FBXO33: variants seen among roughly 807,000 people sequenced by gnomAD.
The protein encoded by FBXO33 is F-box only protein 33.
In FBXO33, 22 loss-of-function variants were observed where a neutral mutation model predicts 46.3. The ratio of observed to expected loss-of-function variants is 0.48; its 90% confidence interval spans 0.34 to 0.68. The LOEUF (loss-of-function observed/expected upper bound fraction) is 0.68. FBXO33 is among the 30% of genes least tolerant of loss of function. The pLI, the probability that FBXO33 is intolerant of heterozygous loss-of-function variation, is 0.01. For missense variants in FBXO33, 692 were observed against 708.8 expected, an observed-to-expected ratio of 0.98 and a Z score of 0.27; for synonymous variants, 337 against 291.3, an observed-to-expected ratio of 1.16 and a Z score of -1.60.
chr14:39,401,255 A>G lies in FBXO33; in HGVS notation c.1317T>C (p.Asp439=), dbSNP rs143164089. ...NDVIDTSGFP[D]LSDNRNEDPL... is the part of the protein sequence containing the mutation. ...GATCTTCATTTCGGTTGTCACTAAG[A>G]TCTGGAAAACCAGATGTGTCAATCA... Residue 439 remains aspartate, a synonymous_variant, in exon 3 of 4, where the codon GAT becomes GAC. Coordinates refer to ENST00000298097, the MANE Select transcript of FBXO33 (RefSeq NM_203301.4). 3.8e-5 allele frequency: 62 copies of G among 1,613,976 alleles called. No homozygotes were observed. In the African/African-American group the frequency reaches 7.5e-4, roughly 19 times the overall value.
At chr14:39,428,072 T>C (rs1401906011) in intron 1 of FBXO33, among the ~76,000 whole-genome samples, 1 of 152,184 alleles carries the variant, frequency 6.6e-6, no homozygotes, top group Non-Finnish European at 1.5e-5. Context: ...CCTTTTTAAC[T>C]TACAGGATAT....
intron 1 of FBXO33, among the ~76,000 whole-genome samples, chr14:39,416,262 T>TTC (rs1403102454): frequency 2.6e-5 from 4 of 152,048 alleles, no homozygotes; most frequent in Non-Finnish European, 5.9e-5. Context: ...GACAGTTTTT[T>TTC]TTTTCTTTTC....
chr14:39,420,970 G>A (rs1207743255), intron 1 of FBXO33, among the ~76,000 whole-genome samples: 1 of 152,130 alleles, frequency 6.6e-6, no homozygotes, highest in Non-Finnish European at 1.5e-5. Context: ...TAGGAAAGCT[G>A]GTTTAGGATT....
chr14:39,411,549 G>A (rs1231477453), intron 1 of FBXO33, among the ~76,000 whole-genome samples: 1 of 148,572 alleles, frequency 6.7e-6, no homozygotes, highest in Non-Finnish European at 1.5e-5. Flanking sequence ...TGAGACAAGA[G>A]TCTCGCACTG....
chr14:39,416,355 G>A (rs575767227), intron 1 of FBXO33, among the ~76,000 whole-genome samples: 2 of 151,742 alleles, frequency 1.3e-5, no homozygotes, highest in Admixed American at 1.3e-4. Flanking sequence ...ACCATTTTGG[G>A]TTCATCCTGT....
At position 39,422,632 on chromosome 14, in the gene FBXO33, C is replaced by A. The variant is rs569081920; in HGVS notation, c.599+8932G>T. Among the ~76,000 whole-genome samples, 4 of 152,196 alleles carry A rather than the reference C, an allele frequency of 2.6e-5. No homozygotes were observed. In the South Asian group the frequency reaches 8.3e-4, roughly 32 times the overall value. ...TCCATGCTGTGTCTTTTTCTTTTTT[C>A]ACCCTTCATAAGAATTTATTACTAG... On this transcript the variant is annotated intron_variant, in intron 1 of 3. Transcript: ENST00000298097.
intron 1 of FBXO33, among the ~76,000 whole-genome samples, chr14:39,403,870 C>T (rs545006154): frequency 1.1e-4 from 17 of 150,726 alleles, no homozygotes; most frequent in African/African-American, 3.7e-4. Context: ...GGTATGATCA[C>T]GGCTCACTGC....
chr14:39,415,440 CTG>C lies in FBXO33; in HGVS notation c.600-12931_600-12930del, dbSNP rs557756630. ...TTAATTTGTAAAAAAAACATAATAT[CTG>C]TGAAGTGCAATAAAATGAATCATAA... On this transcript the variant is annotated intron_variant, in intron 1 of 3. Transcript: ENST00000298097. 1.1e-3 allele frequency among the ~76,000 whole-genome samples: 172 copies of C among 152,252 alleles called. 1 individual carries two copies. The highest frequency in any genetic ancestry group is 4.0e-3 in the African/African-American group (165 of 41,550).
intron 1 of FBXO33, among the ~76,000 whole-genome samples, chr14:39,405,317 G>T (rs974128895): frequency 6.6e-6 from 1 of 152,116 alleles, no homozygotes; most frequent in Non-Finnish European, 1.5e-5. Context: ...AGAGAAAATG[G>T]ACAGCCTCAA....
At chr14:39,413,521 C>T (rs1468332291) in intron 1 of FBXO33, among the ~76,000 whole-genome samples, 1 of 152,210 alleles carries the variant, frequency 6.6e-6, no homozygotes, top group East Asian at 1.9e-4. Flanking sequence ...TTCTGAATGG[C>T]ATCTAGAATG....
intron 1 of FBXO33, among the ~76,000 whole-genome samples, chr14:39,412,206 T>C (rs965618764): frequency 4.6e-5 from 7 of 152,210 alleles, no homozygotes; most frequent in Admixed American, 4.6e-4. Flanking sequence ...TCACTTCAGG[T>C]ATGTTAATAT....
At chr14:39,423,204 A>G (rs780042030) in intron 1 of FBXO33, among the ~76,000 whole-genome samples, 17 of 152,222 alleles carry the variant, frequency 1.1e-4, no homozygotes, top group African/African-American at 3.9e-4. Flanking sequence ...AGGACATACA[A>G]AAAGTTATCA....
chr14:39,432,133 G>T lies in FBXO33; in HGVS notation c.30C>A (p.Pro10=). 7 of 1,240,996 alleles carry T rather than the reference G, an allele frequency of 5.6e-6. No homozygotes were observed. The highest frequency in any genetic ancestry group is 7.0e-6 in the Non-Finnish European group (7 of 993,952). The allele number at this position is 1,240,996 out of a possible 1,614,324, so 76.9% of individuals were successfully genotyped here. A position where few individuals can be genotyped will look rare whatever the true frequency, so the allele number is the denominator to read the frequency against. MLLFLSVPQ[P]RPPGARTRAG... ...CTCGGGTTCGAGCTCCCGGCGGTCG[G>T]GGCTGCGGCACTGACAAGAACAACA... The change falls in exon 1 of 4, where the codon CCC becomes CCA. Residue 10 remains proline, a synonymous_variant. Coordinates refer to ENST00000298097, the MANE Select transcript of FBXO33 (RefSeq NM_203301.4).
At position 39,401,772 on chromosome 14, in the gene FBXO33, G is replaced by T. The variant is rs1293794922; in HGVS notation, c.800C>A (p.Thr267Lys). 6 of 1,614,084 alleles carry T rather than the reference G, an allele frequency of 3.7e-6. No homozygotes were observed. The highest frequency in any genetic ancestry group is 5.1e-6 in the Non-Finnish European group (6 of 1,180,022). Residue 267 changes from threonine (T) to lysine (K), a missense_variant, in exon 3 of 4, where the codon ACA (threonine) becomes AAA (lysine). Thr to Lys is a moderately conservative substitution (Grantham distance 78, BLOSUM62 -1). Around this residue, in one of 3 missense-constraint regions of FBXO33, gnomAD observed 412 missense variants for 370.8 expected, o/e 1.11. Coordinates refer to ENST00000298097, the MANE Select transcript of FBXO33 (RefSeq NM_203301.4). ...AGCATTAGAGAGAGATGACAGTGAT[G>T]TTGGGGTTACTATTTCCAGCATAAA... Reference protein sequence around the residue: ...CGFMLEIVTPTSLSSLSNAVA... With the variant: ...CGFMLEIVTPKSLSSLSNAVA...
intron 1 of FBXO33, among the ~76,000 whole-genome samples, chr14:39,415,035 C>T (rs749316988): frequency 1.3e-5 from 2 of 152,170 alleles, no homozygotes; most frequent in Non-Finnish European, 2.9e-5. Context: ...AGAACACACA[C>T]ACAATTTATA....
intron 1 of FBXO33, 23 bp downstream of exon 1, chr14:39,431,541 G>C: frequency 6.2e-7 from 1 of 1,608,078 alleles, no homozygotes; most frequent in Non-Finnish European, 8.5e-7. Flanking sequence ...TACCGGGCGG[G>C]GCGGGGCTCA....
Position 39,399,264 on chromosome 14 carries a change from T to A in FBXO33, c.*252A>T, listed in dbSNP as rs112705714. On this transcript the variant is annotated 3_prime_UTR_variant, in exon 4 of 4. Coordinates refer to ENST00000298097, the MANE Select transcript of FBXO33 (RefSeq NM_203301.4). ...AAAGTTAGCCAGCAACCTCAGACAATCTTCGGCTGTATATCCTTAAGGTTT... is the reference window on the plus strand; with the variant it reads ...AAAGTTAGCCAGCAACCTCAGACAAACTTCGGCTGTATATCCTTAAGGTTT... 10 of 292,916 alleles carry A rather than the reference T, an allele frequency of 3.4e-5. No homozygotes were observed. Among genetic ancestry groups the A allele is most frequent in the African/African-American group, 1.9e-4 (9 of 46,424 alleles). 18.1% of individuals were successfully genotyped at this position (292,916 alleles called of 1,614,324 possible).
intron 1 of FBXO33, among the ~76,000 whole-genome samples, chr14:39,427,794 A>G (rs905714834): frequency 2.0e-5 from 3 of 151,964 alleles, no homozygotes; most frequent in Admixed American, 6.6e-5. Context: ...AAAAAAATAT[A>G]TATATCAGCC....
chr14:39,417,780 C>T (rs576514271), intron 1 of FBXO33, among the ~76,000 whole-genome samples: 4 of 152,290 alleles, frequency 2.6e-5, no homozygotes, highest in East Asian at 3.9e-4. Context: ...CCACTCGCCT[C>T]GGCCTCCCAA....
Sources: gnomAD v4.1 joint callset for allele counts (sites outside exome capture counted in the v4.1 genomes callset) on GRCh38, gnomAD v4.1.1 for gene constraint, gnomAD v4.1.1 regional missense constraint, MANE v1.5 for transcripts, NCBI Gene and HGNC (gene_info 2026-07-23, HGNC 2026-07-21) for gene names.